Variants in MPDZ observed in about 807,000 individuals in gnomAD.
The protein encoded by MPDZ is multiple PDZ domain crumbs cell polarity complex component, also known as multiple PDZ domain protein.
MPDZ carries 234 observed loss-of-function variants against 239.1 expected under a neutral mutation model. That is an observed-to-expected ratio of 0.98 (90% CI 0.88 to 1.09). The LOEUF (loss-of-function observed/expected upper bound fraction) is 1.09, where lower values mean the gene tolerates loss of function less well. Among genes scored for constraint, MPDZ ranks in the 50% least tolerant of loss-of-function variants. The pLI, the probability that MPDZ is intolerant of heterozygous loss-of-function variation, is 0.00. For missense variants in MPDZ, 3,175 were observed against 2,510.0 expected, an observed-to-expected ratio of 1.26 and a Z score of -5.66; for synonymous variants, 1,048 against 881.3, an observed-to-expected ratio of 1.19 and a Z score of -3.35.
intron 43 of MPDZ, among the ~76,000 whole-genome samples, chr9:13,111,327 G>C (rs1942432390): frequency 1.3e-5 from 2 of 152,190 alleles, no homozygotes; most frequent in African/African-American, 4.8e-5. Context: ...ATACAATCAG[G>C]TTTTAAGTGT....
intron 27 of MPDZ, among the ~76,000 whole-genome samples, chr9:13,141,853 A>C (rs1947745593): frequency 6.6e-6 from 1 of 152,310 alleles, no homozygotes; most frequent in Non-Finnish European, 1.5e-5. Flanking sequence ...TGAAATGTTC[A>C]GTCTATATGT....
At chr9:13,222,500 G>T in intron 5 of MPDZ, 54 bp from the exon 6 acceptor site, 1 of 1,391,516 alleles carries the variant, frequency 7.2e-7, no homozygotes, top group African/African-American at 1.4e-5. Flanking sequence ...TCAAGGAAAT[G>T]ACAGCTTCTT....
In MPDZ at chr9:13,138,091, C is replaced by A. The variant is rs368239297; in HGVS notation, c.4066G>T (p.Gly1356Cys). 39 of 1,613,256 alleles carry A rather than the reference C, an allele frequency of 2.4e-5. No homozygotes were observed. The highest frequency in any genetic ancestry group is 3.1e-5 in the Non-Finnish European group (36 of 1,179,628). Residue 1356 changes from glycine (G) to cysteine (C), a missense_variant, in exon 29 of 47, where the codon GGT (glycine) becomes TGT (cysteine). By Grantham distance (159) the Gly-to-Cys change is radical. Coordinates refer to ENST00000319217, the MANE Select transcript of MPDZ (RefSeq NM_001378778.1). The part of the protein sequence containing the change: ...GELHMIELEK[G>C]HSGLGLSLAG... ...AGACTTAGGCCCAAACCACTATGAC[C>A]TTTCTCCAGTTCAATCATATGCAGC...
chr9:13,248,424 AAAAGT>A (rs1177582578), intron 2 of MPDZ, among the ~76,000 whole-genome samples: 19 of 152,286 alleles, frequency 1.2e-4, no homozygotes, highest in Non-Finnish European at 1.5e-5. Context: ...CAAAGTTGCT[AAAAGT>A]AAATATATTG....
Position 13,250,287 on chromosome 9 carries a change from G to T in MPDZ, c.16+13C>A, listed in dbSNP as rs562756674. ...AATTCTTATAAAAGTAGGCAGAAAA[G>T]AATAAGTCTTACCAATGGCTTCCAA... On this transcript the variant is annotated intron_variant, in intron 2 of 46. Coordinates refer to ENST00000319217, the MANE Select transcript of MPDZ (RefSeq NM_001378778.1). 9.7e-5 allele frequency: 154 copies of T among 1,592,952 alleles called. 1 individual carries two copies. In the South Asian group the frequency reaches 1.6e-3, roughly 16 times the overall value.
intron 12 of MPDZ, among the ~76,000 whole-genome samples, chr9:13,198,696 G>A (rs1172666118): frequency 2.2e-5 from 3 of 139,070 alleles, no homozygotes; most frequent in African/African-American, 7.6e-5. Flanking sequence ...TTTTCCTAAC[G>A]TTTCCTTCAG....
intron 12 of MPDZ, among the ~76,000 whole-genome samples, chr9:13,199,856 G>T (rs1297571035): frequency 6.6e-6 from 1 of 152,006 alleles, no homozygotes; most frequent in African/African-American, 2.4e-5. Context: ...GTTGAATCTG[G>T]TTTGCTAGTA....
intron 1 of MPDZ, among the ~76,000 whole-genome samples, chr9:13,267,271 T>C (rs1971991963): frequency 6.6e-6 from 1 of 152,316 alleles, no homozygotes; most frequent in East Asian, 1.9e-4. Flanking sequence ...AATGAAACCA[T>C]TTGTTTATAA....
chr9:13,182,545 A>G (rs879941764), intron 19 of MPDZ, among the ~76,000 whole-genome samples: 2 of 152,096 alleles, frequency 1.3e-5, no homozygotes, highest in Non-Finnish European at 2.9e-5. Context: ...ATTGCTTTGC[A>G]TATCAATTTC....
chr9:13,119,509 A>C lies in MPDZ; in HGVS notation c.5372T>G (p.Leu1791Trp), dbSNP rs746916432. The change falls in exon 39 of 47, where the codon TTG becomes TGG. Residue 1791 changes from leucine (L) to tryptophan (W), a missense_variant. Transcript: ENST00000319217. ...ATTTTTTGCATTTTTTACCTTTAGCAAAGCGGCAACCGCTTCTTGGGTGGC... is the reference window on the plus strand; with the variant it reads ...ATTTTTTGCATTTTTTACCTTTAGCCAAGCGGCAACCGCTTCTTGGGTGGC... ...RNATQEAVAA[L>W]LKCSLGTVTL... is the part of the protein sequence containing the mutation. 1 of 1,608,530 alleles carries C rather than the reference A, an allele frequency of 6.2e-7. No homozygotes were observed. Among genetic ancestry groups the C allele is most frequent in the Admixed American group, 1.7e-5 (1 of 58,930 alleles).
At chr9:13,214,859 C>A (rs1180075591) in intron 10 of MPDZ, among the ~76,000 whole-genome samples, 2 of 151,794 alleles carry the variant, frequency 1.3e-5, no homozygotes, top group African/African-American at 2.4e-5. Flanking sequence ...TAGTGTAGAT[C>A]TGAAGAGGTG....
At chr9:13,144,995 T>C (rs1046950530) in intron 26 of MPDZ, among the ~76,000 whole-genome samples, 4 of 152,044 alleles carry the variant, frequency 2.6e-5, no homozygotes, top group African/African-American at 9.7e-5. Flanking sequence ...TATAATTCTG[T>C]AGAACATCAG....
At chr9:13,165,282 T>TG in intron 22 of MPDZ, 1 of 1,330,784 alleles carries the variant, frequency 7.5e-7, no homozygotes, top group Non-Finnish European at 1.0e-6. Context: ...ATTCTTGCAT[T>TG]GGGACATTAC....
chr9:13,119,812 TGA>T, intron 38 of MPDZ, 163 bp from the exon 39 acceptor site: 2 of 717,166 alleles, frequency 2.8e-6, no homozygotes, highest in Non-Finnish European at 4.6e-6. Flanking sequence ...TTATATTTTT[TGA>T]TAAATAACAG....
Position 13,190,106 on chromosome 9 carries a change from A to G in MPDZ, c.2154+8T>C. 6.2e-7 allele frequency: 1 copy of G among 1,608,696 alleles called. No homozygotes were observed. The highest frequency in any genetic ancestry group is 1.1e-5 in the South Asian group (1 of 90,256). ...CTTTAAAAATTGTTAAAAGTAGTAT[A>G]TACTTACCTGATAATCTAAAATGCT... On this transcript the variant is annotated splice_region_variant and intron_variant, in intron 16 of 46. Transcript: ENST00000319217.
At chr9:13,136,673 C>CA in intron 30 of MPDZ, 39 bp downstream of exon 30, 1 of 1,296,396 alleles carries the variant, frequency 7.7e-7, no homozygotes, top group South Asian at 1.3e-5. Context: ...GAAATGCTAA[C>CA]AAAAAGTATT....
At chr9:13,111,915 T>A (rs1942547064) in intron 43 of MPDZ, 109 bp downstream of exon 43, 5 of 1,103,540 alleles carry the variant, frequency 4.5e-6, no homozygotes, top group Non-Finnish European at 6.3e-6. Context: ...GATTTAAAAG[T>A]AAATATAGAT....
At chr9:13,256,372 C>T (rs1036162963) in intron 1 of MPDZ, among the ~76,000 whole-genome samples, 1 of 152,212 alleles carries the variant, frequency 6.6e-6, no homozygotes, top group African/African-American at 2.4e-5. Context: ...AAGACCTTTT[C>T]CTTTGCATTC....
chr9:13,125,394 G>T lies in MPDZ; in HGVS notation c.4633-4C>A. 6.2e-7 allele frequency: 1 copy of T among 1,612,770 alleles called. No individual in the cohort carries two copies. ...CTGTCTTCAGAAGGCTAATAAACTG[G>T]CAGGGTGTATGTGTGGAAGAGAAAC... On this transcript the variant is annotated splice_polypyrimidine_tract_variant and splice_region_variant and intron_variant, in intron 34 of 46. Coordinates refer to ENST00000319217, the MANE Select transcript of MPDZ (RefSeq NM_001378778.1).
Sources: gnomAD v4.1 joint callset for allele counts (sites outside exome capture counted in the v4.1 genomes callset) on GRCh38, gnomAD v4.1.1 for gene constraint, MANE v1.5 for transcripts, NCBI Gene and HGNC (gene_info 2026-07-23, HGNC 2026-07-21) for gene names.